USP32: variants seen among roughly 807,000 people sequenced by gnomAD.
The protein encoded by USP32 is ubiquitin specific peptidase 32, also known as ubiquitin carboxyl-terminal hydrolase 32.
USP32 carries 59 observed loss-of-function variants against 204.8 expected under a neutral mutation model. The observed-to-expected ratio is 0.29, with a 90% CI of 0.23 to 0.36. The LOEUF is 0.36. USP32 is among the 10% of genes least tolerant of loss of function. The pLI, the probability that USP32 is intolerant of heterozygous loss-of-function variation, is 1.00. For missense variants in USP32, 1,160 were observed against 1,946.4 expected (o/e 0.60, Z 7.60); for synonymous variants, 517 against 678.4 (o/e 0.76, Z 3.70).
At chr17:60,204,181 AAAAAC>A (rs1336097766) in intron 26 of USP32, among the ~76,000 whole-genome samples, 5 of 152,350 alleles carry the variant, frequency 3.3e-5, no homozygotes, top group East Asian at 1.9e-4. Flanking sequence ...CTCTAAGAAA[AAAAAC>A]AAAACAAAAC....
intron 1 of USP32, among the ~76,000 whole-genome samples, chr17:60,351,881 G>A (rs2088958579): frequency 6.6e-6 from 1 of 152,046 alleles, no homozygotes; most frequent in African/African-American, 2.4e-5. Context: ...GTATTCAATG[G>A]AGTTCCAAAA....
At chr17:60,242,406 T>C (rs2085902163) in intron 11 of USP32, among the ~76,000 whole-genome samples, 1 of 152,132 alleles carries the variant, frequency 6.6e-6, no homozygotes, top group Admixed American at 6.5e-5. Flanking sequence ...ACCAAAAATA[T>C]AAGGGTTTCC....
chr17:60,335,114 T>C lies in USP32; in HGVS notation c.186+10367A>G, dbSNP rs1260792332. 1.4e-5 allele frequency among the ~76,000 whole-genome samples: 2 copies of C among 142,360 alleles called. 1 individual carries two copies. Among genetic ancestry groups the C allele is most frequent in the African/African-American group, 6.1e-5 (2 of 33,014 alleles). 93.4% of individuals were successfully genotyped at this position (142,360 alleles called of 152,430 possible). On this transcript the variant is annotated intron_variant, in intron 2 of 33. Transcript: ENST00000300896. ...TCTTAGCTTCCCAAGTAGCTGAGAC[T>C]ACAGGCGTGCAAGACACCCAGCTAA...
At chr17:60,227,155 AAGAG>A (rs2085415412) in intron 12 of USP32, among the ~76,000 whole-genome samples, 1 of 151,984 alleles carries the variant, frequency 6.6e-6, no homozygotes, top group African/African-American at 2.4e-5. Context: ...CTTTTTAACA[AAGAG>A]AGAACAATCC....
intron 12 of USP32, among the ~76,000 whole-genome samples, chr17:60,230,855 T>C (rs1004425250): frequency 1.3e-5 from 2 of 152,228 alleles, no homozygotes; most frequent in African/African-American, 4.8e-5. Context: ...CACAGTTATA[T>C]ATTGCAGAAT....
At chr17:60,417,176 C>A (rs1400644106) in intron 1 of USP32, among the ~76,000 whole-genome samples, 2 of 152,082 alleles carry the variant, frequency 1.3e-5, no homozygotes, top group Admixed American at 6.5e-5. Flanking sequence ...CCTCAGCCTC[C>A]CAAAGTGCTG....
chr17:60,253,022 T>C (rs978412863), intron 10 of USP32, among the ~76,000 whole-genome samples: 4 of 152,214 alleles, frequency 2.6e-5, no homozygotes, highest in African/African-American at 9.6e-5. Flanking sequence ...GAGTAGATTA[T>C]TGGATGTTTC....
At chr17:60,259,542 G>A (rs2086401929) in intron 9 of USP32, among the ~76,000 whole-genome samples, 1 of 152,076 alleles carries the variant, frequency 6.6e-6, no homozygotes, top group Non-Finnish European at 1.5e-5. Flanking sequence ...CCACTAACCT[G>A]AACTGGAATA....
intron 3 of USP32, among the ~76,000 whole-genome samples, chr17:60,298,748 T>C (rs2087500539): frequency 6.6e-6 from 1 of 152,192 alleles, no homozygotes; most frequent in Non-Finnish European, 1.5e-5. Flanking sequence ...TATATTCCAA[T>C]ACATAAAACT....
At chr17:60,361,256 G>A (rs1165430070) in intron 1 of USP32, among the ~76,000 whole-genome samples, 1 of 152,118 alleles carries the variant, frequency 6.6e-6, no homozygotes, top group African/African-American at 2.4e-5. Flanking sequence ...TTCCCCAAGA[G>A]ATAATCAGTT....
At position 60,244,219 on chromosome 17, in the gene USP32, C is replaced by T. The variant is rs1325588707; in HGVS notation, c.1137-7979G>A. On this transcript the variant is annotated intron_variant, in intron 11 of 33. Transcript: ENST00000300896. ...CCCAGCTAATTTTTTTAGTAGAGAC[C>T]GTGTTAACCAGGATGGTCTCAATCT... is the stretch of plus-strand genomic sequence containing the variant. Among the ~76,000 whole-genome samples, 3 of 151,282 alleles carry T rather than the reference C, an allele frequency of 2.0e-5. 1 individual carries two copies. The highest frequency in any genetic ancestry group is 4.2e-4 in the South Asian group (2 of 4,798).
chr17:60,197,005 AC>A, intron 27 of USP32, among the ~76,000 whole-genome samples: 1 of 151,570 alleles, frequency 6.6e-6, no homozygotes, highest in South Asian at 2.1e-4. Flanking sequence ...ACATGGTGAA[AC>A]CCTGTCTCTA....
intron 1 of USP32, among the ~76,000 whole-genome samples, chr17:60,415,286 T>C (rs2090051523): frequency 6.6e-6 from 1 of 152,222 alleles, no homozygotes; most frequent in Admixed American, 6.5e-5. Context: ...GCCTTCTGTT[T>C]ACTCCCTGGT....
chr17:60,198,190 T>C lies in USP32; in HGVS notation c.3434+70A>G, dbSNP rs1187617037. On this transcript the variant is annotated intron_variant, in intron 27 of 33. Transcript: ENST00000300896. The stretch of plus-strand genomic sequence containing the variant: ...GACATAGGCTGGGTCCTATCAGTCA[T>C]GTAGAATTCATATAGATTATTTTTC... The C allele has an allele frequency of 2.6e-5, 41 of 1,560,978 alleles. No individual in the cohort carries two copies. The Middle Eastern group carries it at 8.6e-4, about 33-fold the overall frequency.
chr17:60,197,981 G>A (rs2145437767), intron 27 of USP32, among the ~76,000 whole-genome samples: 1 of 152,288 alleles, frequency 6.6e-6, no homozygotes, highest in South Asian at 2.1e-4. Flanking sequence ...TTGCAACACA[G>A]AAGACAGGAT....
intron 3 of USP32, among the ~76,000 whole-genome samples, chr17:60,295,488 T>G (rs1224080532): frequency 6.6e-6 from 1 of 152,160 alleles, no homozygotes; most frequent in African/African-American, 2.4e-5. Context: ...AAATGGAAAT[T>G]TCCAGAAATG....
At position 60,178,619 on chromosome 17, in the gene USP32, T is replaced by C. The variant is rs1283769138; in HGVS notation, c.*636A>G. ...AGCCTCCCTTTCAGACTGACCACTA[T>C]ATGCCCCTGCCACCAATGACTGGTT... On this transcript the variant is annotated 3_prime_UTR_variant, in exon 34 of 34. Coordinates refer to ENST00000300896, the MANE Select transcript of USP32 (RefSeq NM_032582.4). 1.3e-5 allele frequency among the ~76,000 whole-genome samples: 2 copies of C among 152,130 alleles called. No homozygotes were observed. Among genetic ancestry groups the C allele is most frequent in the East Asian group, 3.8e-4 (2 of 5,198 alleles).
intron 28 of USP32, among the ~76,000 whole-genome samples, 177 bp from the exon 29 acceptor site, chr17:60,190,860 C>T (rs186587844): frequency 7.9e-5 from 12 of 152,238 alleles, no homozygotes; most frequent in African/African-American, 2.4e-5. Flanking sequence ...ATAATTAGTA[C>T]AGTTTCAGGG....
At chr17:60,191,912 A>G (rs1190572754) in intron 28 of USP32, among the ~76,000 whole-genome samples, 1 of 152,184 alleles carries the variant, frequency 6.6e-6, no homozygotes, top group Non-Finnish European at 1.5e-5. Context: ...TGACCAATCA[A>G]TCTCCGTAAC....
Sources: gnomAD v4.1 joint callset for allele counts (sites outside exome capture counted in the v4.1 genomes callset) on GRCh38, gnomAD v4.1.1 for gene constraint, MANE v1.5 for transcripts, NCBI Gene and HGNC (gene_info 2026-07-23, HGNC 2026-07-21) for gene names.